CD82: variants seen among roughly 807,000 people sequenced by gnomAD.
CD82 encodes the protein CD82 antigen.
A neutral mutation model predicts 37.4 loss-of-function variants in CD82; 36 were observed. That is an observed-to-expected ratio of 0.96 (90% CI 0.74 to 1.27). The LOEUF (loss-of-function observed/expected upper bound fraction) is 1.27, where lower values mean the gene tolerates loss of function less well. CD82 is among the 50% of genes most tolerant of loss of function. The pLI is 0.00. For synonymous variants in CD82, 158 were observed against 137.4 expected, an observed-to-expected ratio of 1.15 and a Z score of -1.05; for missense variants, 340 against 347.0, an observed-to-expected ratio of 0.98 and a Z score of 0.16.
rs34301171 is a variant in CD82, at chr11:44,612,623, A to ATTTTTTTTTTT, written c.337-2632_337-2622dup. Among the ~76,000 whole-genome samples, 25 of 63,076 alleles carry ATTTTTTTTTTT rather than the reference A, an allele frequency of 4.0e-4. 4 individuals carry two copies. The highest frequency in any genetic ancestry group is 1.3e-3 in the African/African-American group (18 of 14,236). The allele number at this position is 63,076 out of a possible 152,430, so 41.4% of individuals were successfully genotyped here. Reference sequence around the variant, plus strand: ...ATCAGAGGCTGGTTTCCCAGCATTAATTTTTTTTTTTTTTTTTTTTTTTTT... The same window carrying ATTTTTTTTTTT: ...ATCAGAGGCTGGTTTCCCAGCATTAATTTTTTTTTTTTTTTTTTTTTTTTTTTTTTTTTTTT... On this transcript the variant is annotated intron_variant, in intron 6 of 9. Coordinates refer to ENST00000227155, the MANE Select transcript of CD82 (RefSeq NM_002231.4).
Position 44,600,190 on chromosome 11 carries a change from G to A in CD82, c.96G>A (p.Val32=). 1.2e-6 allele frequency: 2 copies of A among 1,614,122 alleles called. No individual in the cohort carries two copies. Among genetic ancestry groups the A allele is most frequent in the Middle Eastern group, 1.6e-4 (1 of 6,062 alleles). The change falls in exon 4 of 10, where the codon GTG becomes GTA. Residue 32 remains valine, a synonymous_variant. Transcript: ENST00000227155. ...ILGAVILGFG[V]WILADKSSFI... ...GCGCAGTGATCCTGGGCTTCGGGGT[G>A]TGGATCCTGGCCGACAAGAGCAGTT... is the stretch of plus-strand genomic sequence containing the variant.
intron 6 of CD82, among the ~76,000 whole-genome samples, chr11:44,614,082 G>A (rs760467376): frequency 2.6e-5 from 4 of 152,070 alleles, no homozygotes; most frequent in Admixed American, 1.3e-4. Context: ...GTGCGATCTC[G>A]ACTCACTGTA....
chr11:44,578,698 T>C (rs1852935528), intron 1 of CD82, among the ~76,000 whole-genome samples: 1 of 152,084 alleles, frequency 6.6e-6, no homozygotes, highest in Non-Finnish European at 1.5e-5. Flanking sequence ...GCTAAATCCA[T>C]CAGCAATGGA....
At position 44,575,831 on chromosome 11, in the gene CD82, AG is replaced by A. The variant is rs1200324111; in HGVS notation, c.-103+10096del. ...TGTGCAGGAGGACAAGAGGATTATCAGCATCCCCGTTTTACGGAAAAGAAAA... is the reference window on the plus strand; with the variant it reads ...TGTGCAGGAGGACAAGAGGATTATCACATCCCCGTTTTACGGAAAAGAAAA... On this transcript the variant is annotated intron_variant, in intron 1 of 9. Coordinates refer to ENST00000227155, the MANE Select transcript of CD82 (RefSeq NM_002231.4). 4.6e-5 allele frequency among the ~76,000 whole-genome samples: 7 copies of A among 152,290 alleles called. No individual in the cohort carries two copies. The South Asian group carries it at 1.5e-3, about 32-fold the overall frequency.
At chr11:44,610,290 A>G (rs749338080) in intron 6 of CD82, among the ~76,000 whole-genome samples, 32 of 152,168 alleles carry the variant, frequency 2.1e-4, no homozygotes, top group Non-Finnish European at 1.5e-5. Flanking sequence ...GGACTTGGGT[A>G]GCTGAGAGAG....
intron 6 of CD82, among the ~76,000 whole-genome samples, chr11:44,614,655 C>T (rs1302601379): frequency 6.5e-5 from 9 of 139,362 alleles, no homozygotes; most frequent in Middle Eastern, 3.5e-3. Context: ...TAAGGGAGGC[C>T]GGGGAGGGGT....
chr11:44,569,245 T>C (rs1372993346), intron 1 of CD82, among the ~76,000 whole-genome samples: 1 of 151,968 alleles, frequency 6.6e-6, no homozygotes, highest in East Asian at 1.9e-4. Context: ...CCCCTGATGC[T>C]GCCCTAAGAA....
chr11:44,602,822 G>A (rs1039726318), intron 4 of CD82, among the ~76,000 whole-genome samples: 8 of 152,262 alleles, frequency 5.3e-5, no homozygotes, highest in South Asian at 2.1e-4. Context: ...TCTGAGATAC[G>A]GAGACCTCGC....
intron 5 of CD82, 43 bp downstream of exon 5, chr11:44,605,225 A>T (rs1590344902): frequency 6.2e-7 from 1 of 1,607,856 alleles, no homozygotes; most frequent in Admixed American, 1.7e-5. Context: ...ATTTCCTCTC[A>T]TCCAGCCGAG....
chr11:44,594,116 C>T (rs1394584958), intron 2 of CD82, among the ~76,000 whole-genome samples: 1 of 152,176 alleles, frequency 6.6e-6, no homozygotes, highest in East Asian at 1.9e-4. Context: ...TTCTACAATG[C>T]ATGTTTATTC....
intron 1 of CD82, among the ~76,000 whole-genome samples, chr11:44,575,129 TC>T (rs1367376143): frequency 1.3e-5 from 2 of 152,324 alleles, no homozygotes; most frequent in East Asian, 3.9e-4. Context: ...GTTCTGTCTG[TC>T]CCTGGTGCTA....
At chr11:44,617,582 A>G (rs995723022) in intron 7 of CD82, among the ~76,000 whole-genome samples, 1 of 138,168 alleles carries the variant, frequency 7.2e-6, no homozygotes, top group Non-Finnish European at 1.6e-5. Context: ...AAAAAAAAAA[A>G]GGCGGAATTG....
At chr11:44,576,400 A>C (rs1314527474) in intron 1 of CD82, among the ~76,000 whole-genome samples, 7 of 152,188 alleles carry the variant, frequency 4.6e-5, no homozygotes. Context: ...CAACTTACCC[A>C]AGTTCACAGA....
At chr11:44,585,829 C>T (rs947471819) in intron 1 of CD82, among the ~76,000 whole-genome samples, 7 of 152,236 alleles carry the variant, frequency 4.6e-5, no homozygotes, top group African/African-American at 1.7e-4. Context: ...CCTGCCATCT[C>T]TTGCTCTCTC....
chr11:44,601,165 C>G (rs1186334171), intron 4 of CD82, among the ~76,000 whole-genome samples: 1 of 152,160 alleles, frequency 6.6e-6, no homozygotes, highest in Non-Finnish European at 1.5e-5. Context: ...TGAGTTTGGC[C>G]TTGGCTCACT....
intron 1 of CD82, among the ~76,000 whole-genome samples, chr11:44,571,029 C>A (rs980203279): frequency 5.9e-5 from 9 of 152,290 alleles, no homozygotes; most frequent in Admixed American, 2.6e-4. Context: ...CGCCGCCCCA[C>A]CCCGCAACTT....
At chr11:44,566,832 C>T (rs971274018) in intron 1 of CD82, among the ~76,000 whole-genome samples, 2 of 151,988 alleles carry the variant, frequency 1.3e-5, no homozygotes, top group Admixed American at 1.3e-4. Flanking sequence ...GGCTACAGCC[C>T]CTCCTGACCT....
intron 1 of CD82, among the ~76,000 whole-genome samples, chr11:44,579,448 G>A (rs914532812): frequency 1.5e-4 from 23 of 152,088 alleles, no homozygotes; most frequent in African/African-American, 5.6e-4. Flanking sequence ...AGACTTCCTG[G>A]TGAGACCTGA....
intron 7 of CD82, among the ~76,000 whole-genome samples, chr11:44,617,609 C>T (rs1034458766): frequency 1.8e-4 from 27 of 148,788 alleles, no homozygotes; most frequent in African/African-American, 6.5e-4. Flanking sequence ...TCTCCTTTTT[C>T]ACTTTTCACT....
Sources: allele counts gnomAD v4.1 joint callset (sites outside exome capture counted in the v4.1 genomes callset), GRCh38; gene constraint gnomAD v4.1.1; transcripts MANE v1.5; gene names NCBI Gene and HGNC (gene_info 2026-07-23, HGNC 2026-07-21).